GALK2: variants seen among roughly 807,000 people sequenced by gnomAD.
The protein encoded by GALK2 is N-acetylgalactosamine kinase.
Under a neutral mutation model 52.4 loss-of-function variants are expected in GALK2, and 36 were observed. That is an observed-to-expected ratio of 0.69 (90% CI 0.53 to 0.91). The LOEUF (loss-of-function observed/expected upper bound fraction) is 0.91. Ranked by LOEUF, GALK2 falls within the 40% of genes least tolerant of loss-of-function variation. The pLI is 0.00. For synonymous variants in GALK2, 176 were observed against 199.1 expected (o/e 0.88, Z 0.98); for missense variants, 579 against 559.1 (o/e 1.04, Z -0.36).
intron 1 of GALK2, among the ~76,000 whole-genome samples, chr15:49,180,969 T>C (rs2141219331): frequency 6.6e-6 from 1 of 152,252 alleles, no homozygotes. Context: ...CTCTGTATTG[T>C]CCCCCTGTAT....
chr15:49,163,340 C>T (rs1381249482), intron 1 of GALK2, among the ~76,000 whole-genome samples: 1 of 152,038 alleles, frequency 6.6e-6, no homozygotes. Flanking sequence ...GGTTGTTTAT[C>T]TTATTACTGT....
chr15:49,222,243 G>T (rs76231511), intron 3 of GALK2, among the ~76,000 whole-genome samples: 22,878 of 150,328 alleles, frequency 0.15, 2,229 homozygotes, highest in Non-Finnish European at 0.21. Flanking sequence ...TTTGTATGTT[G>T]GTTTTTTATA....
At chr15:49,355,767 C>T (rs1439100778) in intron 3 of GALK2, among the ~76,000 whole-genome samples, 2 of 151,746 alleles carry the variant, frequency 1.3e-5, no homozygotes, top group East Asian at 3.9e-4. Context: ...TCGAGAAGAG[C>T]AACTCCAAGA....
intron 3 of GALK2, among the ~76,000 whole-genome samples, chr15:49,222,576 T>C (rs2089872125): frequency 6.6e-6 from 1 of 152,206 alleles, no homozygotes; most frequent in Non-Finnish European, 1.5e-5. Flanking sequence ...ATTCTATGCC[T>C]GATAATTGAG....
At chr15:49,178,677 G>T in intron 1 of GALK2, 1 of 219,680 alleles carries the variant, frequency 4.6e-6, no homozygotes, top group South Asian at 7.8e-5. Flanking sequence ...ACTCTCCGAA[G>T]AAAGTGCATG....
intron 3 of GALK2, among the ~76,000 whole-genome samples, chr15:49,229,375 G>A (rs1566958862): frequency 6.6e-6 from 1 of 152,188 alleles, no homozygotes; most frequent in Non-Finnish European, 1.5e-5. Flanking sequence ...CTGTGTGATG[G>A]CAGTAGCAGT....
chr15:49,329,679 C>G lies in GALK2; in HGVS notation c.*1520C>G. 1 of 980,388 alleles carries G rather than the reference C, an allele frequency of 1.0e-6. No individual in the cohort carries two copies. The highest frequency in any genetic ancestry group is 1.2e-6 in the Non-Finnish European group (1 of 825,564). The allele number at this position is 980,388 out of a possible 1,614,324, so 60.7% of individuals were successfully genotyped here. A position where few individuals can be genotyped will look rare whatever the true frequency, so the allele number is the denominator to read the frequency against. On this transcript the variant is annotated 3_prime_UTR_variant, in exon 10 of 10. Transcript: ENST00000560031. Reference sequence around the variant, plus strand: ...AAATTTGTTAAAAGAATTTTGAGTTCTATAAATCCAAAAATCTGAAACCTG... The same window carrying G: ...AAATTTGTTAAAAGAATTTTGAGTTGTATAAATCCAAAAATCTGAAACCTG...
exon 4 of GALK2, chr15:49,367,678 A>T: frequency 2.2e-6 from 3 of 1,342,882 alleles, no homozygotes; most frequent in Admixed American, 2.7e-5. Flanking sequence ...AATAAAATAT[A>T]ACTTCATATT....
chr15:49,354,794 GACAA>G (rs771028181), intron 3 of GALK2, among the ~76,000 whole-genome samples: 3 of 152,052 alleles, frequency 2.0e-5, no homozygotes, highest in East Asian at 3.9e-4. Context: ...GCAGGGCACA[GACAA>G]ACAAAAAGAC....
intron 1 of GALK2, among the ~76,000 whole-genome samples, chr15:49,180,062 T>A (rs1228756375): frequency 6.6e-6 from 1 of 152,184 alleles, no homozygotes; most frequent in Non-Finnish European, 1.5e-5. Context: ...CTCTTGGTAC[T>A]GAAGCAGTTA....
rs2038652905 is a variant in GALK2, at chr15:49,331,143, C to G, written c.*2984C>G. ...ATTGCTCTAGATTTTTGAATGGAAG[C>G]CTTGACATGCTGAAAGTAAAAGGCT... is the stretch of plus-strand genomic sequence containing the variant. On this transcript the variant is annotated 3_prime_UTR_variant, in exon 10 of 10. Transcript: ENST00000560031. 6.6e-6 allele frequency: 1 copy of G among 152,238 alleles called. No homozygotes were observed. Among genetic ancestry groups the G allele is most frequent in the Non-Finnish European group, 1.5e-5 (1 of 68,050 alleles). 9.4% of individuals were successfully genotyped at this position (152,238 alleles called of 1,614,324 possible). A position where few individuals can be genotyped will look rare whatever the true frequency, so the allele number is the denominator to read the frequency against.
chr15:49,279,103 A>C (rs2032324129), intron 5 of GALK2, among the ~76,000 whole-genome samples: 1 of 152,144 alleles, frequency 6.6e-6, no homozygotes, highest in Admixed American at 6.5e-5. Flanking sequence ...ACACGTAGGG[A>C]TTATGGGGAT....
chr15:49,332,118 CAT>C (rs143117953), downstream of GALK2, among the ~76,000 whole-genome samples: 3 of 142,946 alleles, frequency 2.1e-5, no homozygotes, highest in Admixed American at 7.1e-5. Flanking sequence ...CACACACACA[CAT>C]CCACAACAGT....
At chr15:49,327,930 A>G in intron 9 of GALK2, 22 bp from the exon 10 acceptor site, 7 of 1,595,580 alleles carry the variant, frequency 4.4e-6, no homozygotes, top group African/African-American at 1.3e-5. Flanking sequence ...AGGTTCTAAT[A>G]TTTTTTTCCT....
chr15:49,217,715 C>T (rs966075053), intron 3 of GALK2, among the ~76,000 whole-genome samples: 3 of 152,242 alleles, frequency 2.0e-5, no homozygotes, highest in Middle Eastern at 3.4e-3. Flanking sequence ...TGTTTATTTA[C>T]CTGTGTCACC....
intron 8 of GALK2, among the ~76,000 whole-genome samples, chr15:49,302,475 A>G (rs1405334039): frequency 1.3e-5 from 2 of 152,124 alleles, no homozygotes; most frequent in Non-Finnish European, 2.9e-5. Context: ...TGGAATTTTC[A>G]CGTTTAATAA....
At chr15:49,301,458 A>T (rs771098517) in intron 8 of GALK2, among the ~76,000 whole-genome samples, 6 of 152,030 alleles carry the variant, frequency 3.9e-5, no homozygotes, top group Non-Finnish European at 7.4e-5. Flanking sequence ...ATTGGGAGGG[A>T]TGTTTCCCAT....
intron 3 of GALK2, chr15:49,366,509 G>T: frequency 7.4e-7 from 1 of 1,344,956 alleles, no homozygotes; most frequent in Non-Finnish European, 1.1e-6. Context: ...AATGGAAGTT[G>T]CATTTTCTAG....
intron 3 of GALK2, among the ~76,000 whole-genome samples, chr15:49,222,238 A>G (rs555307193): frequency 1.3e-5 from 2 of 150,536 alleles, no homozygotes; most frequent in Non-Finnish European, 2.9e-5. Flanking sequence ...AAATTTTTGT[A>G]TGTTGGTTTT....
Sources: gnomAD v4.1 joint callset for allele counts (sites outside exome capture counted in the v4.1 genomes callset) on GRCh38, gnomAD v4.1.1 for gene constraint, MANE v1.5 for transcripts, NCBI Gene and HGNC (gene_info 2026-07-23, HGNC 2026-07-21) for gene names.